PIK3C2B: variants seen among roughly 807,000 people sequenced by gnomAD.
PIK3C2B encodes the protein phosphatidylinositol 4-phosphate 3-kinase C2 domain-containing subunit beta.
A neutral mutation model predicts 184.3 loss-of-function variants in PIK3C2B; 83 were observed. That is an observed-to-expected ratio of 0.45 (90% CI 0.38 to 0.54). The LOEUF is 0.54. Among genes scored for constraint, PIK3C2B ranks in the 20% least tolerant of loss-of-function variants. The probability of loss-of-function intolerance (pLI) is 0.00; values close to 1 mark genes in which losing one functional copy is unlikely to be tolerated. For synonymous variants in PIK3C2B, 779 were observed against 837.6 expected (o/e 0.93, Z 1.21); for missense variants, 1,736 against 2,113.5 (o/e 0.82, Z 3.50).
At chr1:204,427,879 G>C in intron 30 of PIK3C2B, 125 bp from the exon 31 acceptor site, 1 of 708,058 alleles carries the variant, frequency 1.4e-6, no homozygotes, top group Admixed American at 2.4e-5. Flanking sequence ...ATCTACATAA[G>C]TGTAGTCTGA....
chr1:204,439,051 T>C lies in PIK3C2B; in HGVS notation c.3400A>G (p.Asn1134Asp). 1 of 1,613,900 alleles carries C rather than the reference T, an allele frequency of 6.2e-7. No individual in the cohort carries two copies. The highest frequency in any genetic ancestry group is 1.1e-5 in the South Asian group (1 of 91,056). The change falls in exon 23 of 33, where the codon AAT becomes GAT. Residue 1134 changes from asparagine to aspartate, a missense_variant. Transcript: ENST00000684373. ...RGRGMVEMIP[N>D]AETLRKIQVE... ...TGGATCTTACGCAGGGTCTCAGCAT[T>C]AGGGATCATCTCCACCATCCCTGTG... is the stretch of plus-strand genomic sequence containing the variant.
intron 1 of PIK3C2B, among the ~76,000 whole-genome samples, chr1:204,478,054 G>A (rs1320730031): frequency 6.6e-6 from 1 of 152,086 alleles, no homozygotes; most frequent in African/African-American, 2.4e-5. Flanking sequence ...CCCAGTCTTG[G>A]GCATCCTGAT....
intron 23 of PIK3C2B, 76 bp downstream of exon 23, chr1:204,438,859 G>A: frequency 6.6e-7 from 1 of 1,515,134 alleles, no homozygotes; most frequent in East Asian, 2.3e-5. Context: ...GCAAGTGCAG[G>A]TCTTGTGGTT....
chr1:204,433,532 C>G lies in PIK3C2B; in HGVS notation c.3844-107G>C. 1 of 787,366 alleles carries G rather than the reference C, an allele frequency of 1.3e-6. No homozygotes were observed. Among genetic ancestry groups the G allele is most frequent in the South Asian group, 1.6e-5 (1 of 63,276 alleles). The allele number at this position is 787,366 out of a possible 1,614,324, so 48.8% of individuals were successfully genotyped here. On this transcript the variant is annotated intron_variant, in intron 25 of 32. Coordinates refer to ENST00000684373, the MANE Select transcript of PIK3C2B (RefSeq NM_001377334.1). The surrounding 1 kb of genome is among the most constrained non-coding windows in gnomAD (Gnocchi z 5.0). ...TCTACAGCTAGGCTCCCTAACCCTT[C>G]TAGAGGGTGGTAGACAGATGCTGTG...
intron 1 of PIK3C2B, among the ~76,000 whole-genome samples, chr1:204,474,211 G>A (rs954076116): frequency 1.3e-5 from 2 of 151,966 alleles, no homozygotes; most frequent in Non-Finnish European, 2.9e-5. Flanking sequence ...GGCTAGTCGC[G>A]AACTCCCGAC....
chr1:204,459,691 C>T (rs1395460864), intron 8 of PIK3C2B, among the ~76,000 whole-genome samples, 187 bp downstream of exon 8: 1 of 152,184 alleles, frequency 6.6e-6, no homozygotes. Context: ...TGACTACGCA[C>T]TTGCCGTTGC....
At chr1:204,461,608 G>A (rs1042429507) in intron 5 of PIK3C2B, among the ~76,000 whole-genome samples, 18 of 152,184 alleles carry the variant, frequency 1.2e-4, no homozygotes, top group African/African-American at 2.7e-4. Context: ...GCCCAGGGTC[G>A]TCTAGGTCCC....
chr1:204,434,439 C>A lies in PIK3C2B; in HGVS notation c.3686G>T (p.Arg1229Leu). The change falls in exon 24 of 33, where the codon CGG (arginine) becomes CTG (leucine). Residue 1229 changes from arginine (R) to leucine (L), a missense_variant and splice_region_variant. Arg to Leu is a moderately radical substitution (Grantham distance 102). Around this residue, in one of 8 missense-constraint regions of PIK3C2B, gnomAD observed 119 missense variants for 179.3 expected, o/e 0.66. Coordinates refer to ENST00000684373, the MANE Select transcript of PIK3C2B (RefSeq NM_001377334.1). ...GHAQMFGNIKRDRAPFVFTSD... is the reference protein window; with the variant it reads ...GHAQMFGNIKLDRAPFVFTSD... ...AATCTGGCTTCAGGAGATCACTTAC[C>A]GCTTGATGTTGCCAAACATCTGGGC... 6.2e-7 allele frequency: 1 copy of A among 1,613,926 alleles called. No homozygotes were observed. The highest frequency in any genetic ancestry group is 8.5e-7 in the Non-Finnish European group (1 of 1,179,864).
chr1:204,470,133 T>G (rs1383114990), intron 1 of PIK3C2B, among the ~76,000 whole-genome samples: 1 of 151,580 alleles, frequency 6.6e-6, no homozygotes, highest in Admixed American at 6.6e-5. Context: ...TATACTCACC[T>G]CTGTCATTTG....
At chr1:204,442,222 A>C (rs892499148) in intron 20 of PIK3C2B, among the ~76,000 whole-genome samples, 1 of 152,158 alleles carries the variant, frequency 6.6e-6, no homozygotes, top group African/African-American at 2.4e-5. Flanking sequence ...ACCTGTGCCC[A>C]TACCCCCGTC....
intron 17 of PIK3C2B, 79 bp downstream of exon 17, chr1:204,444,252 T>C (rs1653652816): frequency 6.8e-7 from 1 of 1,461,544 alleles, no homozygotes; most frequent in Non-Finnish European, 9.6e-7. Flanking sequence ...ATCTCTGGTT[T>C]CTAAGGGGCA....
rs1450677249 is a variant in PIK3C2B, at chr1:204,438,917, C to T, written c.3516+18G>A. On this transcript the variant is annotated intron_variant, in intron 23 of 32. Coordinates refer to ENST00000684373, the MANE Select transcript of PIK3C2B (RefSeq NM_001377334.1). ...GGCACACACACACACCAGACGCACT[C>T]CCCACCCACAACCCTACCTTCTCAT... 20 of 1,611,078 alleles carry T rather than the reference C, an allele frequency of 1.2e-5. No homozygotes were observed. Among genetic ancestry groups the T allele is most frequent in the Admixed American group, 1.7e-5 (1 of 60,004 alleles).
chr1:204,491,816 T>A (rs1390546379), intron 1 of PIK3C2B, among the ~76,000 whole-genome samples: 2 of 152,220 alleles, frequency 1.3e-5, no homozygotes, highest in Non-Finnish European at 2.9e-5. Context: ...ACTAGCTGGC[T>A]GACATCAGTG....
At position 204,447,610 on chromosome 1, in the gene PIK3C2B, A is replaced by C. The variant is rs756370270; in HGVS notation, c.2347-32T>G. On this transcript the variant is annotated intron_variant, in intron 14 of 32. Coordinates refer to ENST00000684373, the MANE Select transcript of PIK3C2B (RefSeq NM_001377334.1). This position sits in a 1 kb window ranked among gnomAD's most constrained non-coding sequence, Gnocchi z 4.1. Reference sequence around the variant, plus strand: ...GATGAGATCAGGGATGTGAGGAGAGAAAACAGGCAGCGTGTGTGGACTCCC... The same window carrying C: ...GATGAGATCAGGGATGTGAGGAGAGCAAACAGGCAGCGTGTGTGGACTCCC... 1 of 1,572,314 alleles carries C rather than the reference A, an allele frequency of 6.4e-7. No individual in the cohort carries two copies. Among genetic ancestry groups the C allele is most frequent in the Admixed American group, 1.7e-5 (1 of 59,668 alleles).
chr1:204,482,776 G>T (rs987604919), intron 1 of PIK3C2B, among the ~76,000 whole-genome samples: 1 of 151,418 alleles, frequency 6.6e-6, no homozygotes, highest in Non-Finnish European at 1.5e-5. Flanking sequence ...AAAAAAAAAA[G>T]AACTGAGAAA....
At chr1:204,481,479 G>A (rs1272379763) in intron 1 of PIK3C2B, among the ~76,000 whole-genome samples, 5 of 151,922 alleles carry the variant, frequency 3.3e-5, no homozygotes, top group African/African-American at 1.2e-4. Flanking sequence ...GGATGGTCTC[G>A]ATCTCCTGAC....
At chr1:204,440,063 C>T in intron 22 of PIK3C2B, 129 bp downstream of exon 22, 1 of 969,384 alleles carries the variant, frequency 1.0e-6, no homozygotes, top group Non-Finnish European at 1.5e-6. Flanking sequence ...GGCTATCCCA[C>T]AGCTTCTCAT....
chr1:204,475,139 G>A (rs973329107), intron 1 of PIK3C2B, among the ~76,000 whole-genome samples: 1 of 152,046 alleles, frequency 6.6e-6, no homozygotes, highest in African/African-American at 2.4e-5. Context: ...AACATCCTGA[G>A]GGCTCTTCCT....
At position 204,455,917 on chromosome 1, in the gene PIK3C2B, C is replaced by T. The variant is rs144449544; in HGVS notation, c.1882G>A (p.Ala628Thr). The part of the protein sequence containing the change: ...HDLVQEACHF[A>T]RSLAFTVYAT... ...TAGACAGTGAAGGCCAGGGACCTGGCGAAATGGCAGGCCTCCTGGACCAGG... is the reference window on the plus strand; with the variant it reads ...TAGACAGTGAAGGCCAGGGACCTGGTGAAATGGCAGGCCTCCTGGACCAGG... Residue 628 changes from alanine to threonine, a missense_variant, in exon 11 of 33, where the codon GCC (alanine) becomes ACC (threonine). Physicochemically the swap from Ala to Thr is moderately conservative, Grantham distance 58 (BLOSUM62 0). Around this residue, in one of 8 missense-constraint regions of PIK3C2B, gnomAD observed 609 missense variants for 699.2 expected, o/e 0.87. Coordinates refer to ENST00000684373, the MANE Select transcript of PIK3C2B (RefSeq NM_001377334.1). The T allele has an allele frequency of 1.4e-5, 23 of 1,613,978 alleles. No individual in the cohort carries two copies. The highest frequency in any genetic ancestry group is 8.0e-5 in the African/African-American group (6 of 74,918).
Sources: allele counts gnomAD v4.1 joint callset (sites outside exome capture counted in the v4.1 genomes callset), GRCh38; gene constraint gnomAD v4.1.1; regional missense constraint gnomAD v4.1.1; non-coding constraint Gnocchi (gnomAD v3.1); transcripts MANE v1.5; gene names NCBI Gene and HGNC (gene_info 2026-07-23, HGNC 2026-07-21).